Variants in RCOR1 observed in about 807,000 individuals in gnomAD.
RCOR1 encodes REST corepressor.
In RCOR1, 12 loss-of-function variants were observed where a neutral mutation model predicts 64.0. The ratio of observed to expected loss-of-function variants is 0.19; its 90% CI spans 0.12 to 0.30. The LOEUF (loss-of-function observed/expected upper bound fraction) is 0.30. Ranked by LOEUF, RCOR1 falls within the 10% of genes least tolerant of loss-of-function variation. RCOR1 has a pLI of 1.00. For synonymous variants in RCOR1, 279 were observed against 227.2 expected (o/e 1.23, Z -2.05); for missense variants, 502 against 621.2 (o/e 0.81, Z 2.04).
At chr14:102,633,046 C>T (rs1198115056) in intron 2 of RCOR1, among the ~76,000 whole-genome samples, 1 of 151,574 alleles carries the variant, frequency 6.6e-6, no homozygotes, top group Non-Finnish European at 1.5e-5. Context: ...TGGACACAAG[C>T]CATCCTCCTG....
intron 2 of RCOR1, chr14:102,657,951 T>C (rs1406194620): frequency 1.0e-6 from 1 of 976,008 alleles, no homozygotes; most frequent in Non-Finnish European, 1.2e-6. Flanking sequence ...ATGAGGGGTG[T>C]TCTTTTTAAT....
chr14:102,617,595 T>C (rs993413497), intron 2 of RCOR1, among the ~76,000 whole-genome samples: 9 of 148,962 alleles, frequency 6.0e-5, no homozygotes, highest in Non-Finnish European at 1.0e-4. Flanking sequence ...TTCTTTTTTT[T>C]TTTTTTTTTT....
chr14:102,632,457 G>T (rs1215430213), intron 2 of RCOR1, among the ~76,000 whole-genome samples: 1 of 151,596 alleles, frequency 6.6e-6, no homozygotes, highest in Non-Finnish European at 1.5e-5. Flanking sequence ...TGCCTGCCTC[G>T]GCCTCCCAAA....
chr14:102,713,432 G>A (rs1250292353), intron 7 of RCOR1, among the ~76,000 whole-genome samples: 2 of 151,938 alleles, frequency 1.3e-5, no homozygotes, highest in Admixed American at 6.6e-5. Context: ...ACAGGCGCCC[G>A]CCACCGCACC....
intron 3 of RCOR1, among the ~76,000 whole-genome samples, chr14:102,682,571 C>G (rs990227669): frequency 6.6e-6 from 1 of 152,186 alleles, no homozygotes; most frequent in African/African-American, 2.4e-5. Flanking sequence ...GTCATCGTAT[C>G]TCCTTTACTG....
chr14:102,723,162 G>A lies in RCOR1; in HGVS notation c.1419+746G>A, dbSNP rs567330425. Among the ~76,000 whole-genome samples, 4 of 152,354 alleles carry A rather than the reference G, an allele frequency of 2.6e-5. No homozygotes were observed. In the South Asian group the frequency reaches 8.3e-4, roughly 32 times the overall value. ...CACTTTGCATCTGAATTTGTTCACA[G>A]GCATGGTAATTTAAGAATTAATTTA... On this transcript the variant is annotated intron_variant, in intron 11 of 11. Transcript: ENST00000262241.
intron 2 of RCOR1, among the ~76,000 whole-genome samples, chr14:102,634,698 A>G (rs28693904): frequency 1.4e-4 from 21 of 149,984 alleles, no homozygotes; most frequent in Middle Eastern, 3.6e-3. Flanking sequence ...ATATGTGTGT[A>G]TATATATATA....
At chr14:102,617,940 A>T (rs374192546) in intron 2 of RCOR1, among the ~76,000 whole-genome samples, 3 of 147,250 alleles carry the variant, frequency 2.0e-5, no homozygotes, top group African/African-American at 7.5e-5. Context: ...CTTTTATGGG[A>T]TACTACACTT....
chr14:102,678,020 A>G (rs1331620567), intron 2 of RCOR1, among the ~76,000 whole-genome samples: 1 of 149,016 alleles, frequency 6.7e-6, no homozygotes, highest in African/African-American at 2.5e-5. Context: ...CCAACACAGC[A>G]AAACCCCGTC....
intron 3 of RCOR1, among the ~76,000 whole-genome samples, chr14:102,690,725 A>G (rs750902332): frequency 7.9e-5 from 12 of 152,130 alleles, no homozygotes; most frequent in East Asian, 1.9e-4. Context: ...CAAACCACTC[A>G]CTGTCTTAAC....
intron 3 of RCOR1, among the ~76,000 whole-genome samples, chr14:102,694,127 C>T (rs555898187): frequency 6.6e-6 from 1 of 152,302 alleles, no homozygotes; most frequent in African/African-American, 2.4e-5. Flanking sequence ...TTCATCACTG[C>T]CCTACCAGCA....
intron 4 of RCOR1, among the ~76,000 whole-genome samples, chr14:102,705,910 G>A (rs1374981924): frequency 6.6e-6 from 1 of 151,802 alleles, no homozygotes; most frequent in Non-Finnish European, 1.5e-5. Flanking sequence ...GAGCTCAGGA[G>A]TTGGAGACCA....
At chr14:102,670,212 C>A (rs1895004154) in intron 2 of RCOR1, among the ~76,000 whole-genome samples, 1 of 152,184 alleles carries the variant, frequency 6.6e-6, no homozygotes, top group Non-Finnish European at 1.5e-5. Flanking sequence ...TGGCCTCTCC[C>A]AAAGTGCTGG....
chr14:102,655,608 T>G (rs1894706279), intron 2 of RCOR1: 2 of 577,702 alleles, frequency 3.5e-6, no homozygotes, highest in South Asian at 1.5e-4. Context: ...AATATTTCCT[T>G]CTAGCTTGTC....
At chr14:102,653,938 TC>T (rs1163538614) in intron 2 of RCOR1, among the ~76,000 whole-genome samples, 16 of 36,100 alleles carry the variant, frequency 4.4e-4, no homozygotes, top group African/African-American at 2.0e-3. Flanking sequence ...TTTCTTTCTT[TC>T]TTTCTTTCTT....
intron 3 of RCOR1, among the ~76,000 whole-genome samples, chr14:102,687,770 G>A (rs1039492824): frequency 1.3e-5 from 2 of 152,162 alleles, no homozygotes; most frequent in African/African-American, 4.8e-5. Flanking sequence ...TTTACATCAA[G>A]CATCTCCCAT....
chr14:102,670,248 C>A (rs983474356), intron 2 of RCOR1, among the ~76,000 whole-genome samples: 2 of 152,196 alleles, frequency 1.3e-5, no homozygotes, highest in East Asian at 3.8e-4. Context: ...CCACTTCACC[C>A]GGCCAGAATT....
intron 2 of RCOR1, among the ~76,000 whole-genome samples, chr14:102,628,879 G>A (rs1323181694): frequency 2.0e-5 from 3 of 151,674 alleles, no homozygotes; most frequent in Non-Finnish European, 4.4e-5. Flanking sequence ...TGCAGTCAGA[G>A]GTGCCAACTT....
At chr14:102,685,042 C>T (rs145905090) in intron 3 of RCOR1, among the ~76,000 whole-genome samples, 2 of 148,758 alleles carry the variant, frequency 1.3e-5, no homozygotes, top group Admixed American at 6.7e-5. Context: ...TATAGGATGT[C>T]TGGAGATCCC....
Sources: gnomAD v4.1 joint callset for allele counts (sites outside exome capture counted in the v4.1 genomes callset) on GRCh38, gnomAD v4.1.1 for gene constraint, MANE v1.5 for transcripts, NCBI Gene and HGNC (gene_info 2026-07-23, HGNC 2026-07-21) for gene names.